The following ANKRD44 variants were observed in gnomAD, a reference collection of about 807,000 sequenced individuals.
The protein encoded by ANKRD44 is ankyrin repeat domain 44.
A neutral mutation model predicts 116.0 loss-of-function variants in ANKRD44; 35 were observed. The observed-to-expected ratio is 0.30, with a 90% CI of 0.23 to 0.40. The LOEUF is 0.40. ANKRD44 is among the 10% of genes least tolerant of loss of function. The probability of loss-of-function intolerance (pLI) is 1.00; values close to 1 mark genes in which losing one functional copy is unlikely to be tolerated. For synonymous variants in ANKRD44, 435 were observed against 461.8 expected (o/e 0.94, Z 0.74); for missense variants, 1,014 against 1,242.6 (o/e 0.82, Z 2.77).
At chr2:197,274,031 A>T (rs2105794513) in intron 1 of ANKRD44, among the ~76,000 whole-genome samples, 1 of 119,594 alleles carries the variant, frequency 8.4e-6, no homozygotes, top group South Asian at 2.9e-4. Flanking sequence ...ATATATATGA[A>T]TCAGACAGGC....
intron 15 of ANKRD44, 65 bp from the exon 16 acceptor site, chr2:197,078,879 T>A: frequency 6.6e-7 from 1 of 1,511,660 alleles, no homozygotes; most frequent in South Asian, 1.2e-5. Context: ...ATAATTTATG[T>A]AAATCCTCCT....
chr2:197,047,651 C>T (rs538381205), intron 16 of ANKRD44, among the ~76,000 whole-genome samples: 1 of 152,130 alleles, frequency 6.6e-6, no homozygotes, highest in South Asian at 2.1e-4. Flanking sequence ...GTGGCTCACG[C>T]CTGTAATCCC....
chr2:197,005,655 G>C (rs1211080880), intron 21 of ANKRD44, 39 bp downstream of exon 21: 1 of 1,596,170 alleles, frequency 6.3e-7, no homozygotes, highest in Non-Finnish European at 8.6e-7. Context: ...TCCTGGGGTA[G>C]GAAGTCTAGT....
Position 197,013,822 on chromosome 2 carries a change from G to A in ANKRD44, c.1723-110C>T, listed in dbSNP as rs144014397. ...GGCCATGGATAGAGACCACTCCCAAGAGCACGTCAGAAAAACACTTGGAAT... is the reference window on the plus strand; with the variant it reads ...GGCCATGGATAGAGACCACTCCCAAAAGCACGTCAGAAAAACACTTGGAAT... On this transcript the variant is annotated intron_variant, in intron 17 of 27. Transcript: ENST00000282272. The A allele has an allele frequency of 3.4e-4, 351 of 1,030,262 alleles. 1 individual carries two copies. In the African/African-American group the frequency reaches 4.5e-3, roughly 13 times the overall value. 63.8% of individuals were successfully genotyped at this position (1,030,262 alleles called of 1,614,324 possible).
intron 1 of ANKRD44, among the ~76,000 whole-genome samples, chr2:197,282,775 A>G (rs777351044): frequency 6.6e-6 from 1 of 152,190 alleles, no homozygotes; most frequent in South Asian, 2.1e-4. Context: ...CCTGGCCAAC[A>G]TGGCGAAACC....
chr2:197,010,463 G>T (rs73049616), intron 18 of ANKRD44, among the ~76,000 whole-genome samples: 1 of 152,130 alleles, frequency 6.6e-6, no homozygotes, highest in Non-Finnish European at 1.5e-5. Flanking sequence ...GGCAGGAAAT[G>T]CGGCCCCCAT....
At chr2:197,236,298 G>A (rs532527243) in intron 1 of ANKRD44, among the ~76,000 whole-genome samples, 3 of 152,236 alleles carry the variant, frequency 2.0e-5, no homozygotes, top group South Asian at 4.1e-4. Context: ...CTAGTTAGAA[G>A]ATAGGTAAAG....
intron 2 of ANKRD44, among the ~76,000 whole-genome samples, chr2:197,154,237 T>C (rs13027514): frequency 6.9e-6 from 1 of 144,514 alleles, no homozygotes; most frequent in Non-Finnish European, 1.5e-5. Context: ...TGGAGTGCAG[T>C]GGCGCGATCT....
intron 16 of ANKRD44, among the ~76,000 whole-genome samples, chr2:197,048,635 T>C (rs10931769): frequency 2.6e-5 from 4 of 152,256 alleles, no homozygotes; most frequent in African/African-American, 9.6e-5. Flanking sequence ...TTGTGAATAG[T>C]GCCGCAATAA....
At chr2:197,254,489 C>T (rs998143812) in intron 1 of ANKRD44, among the ~76,000 whole-genome samples, 1 of 152,100 alleles carries the variant, frequency 6.6e-6, no homozygotes, top group African/African-American at 2.4e-5. Context: ...AGCGGAGGAG[C>T]ATCTCTTAAA....
intron 3 of ANKRD44, among the ~76,000 whole-genome samples, chr2:197,138,893 G>C (rs530202605): frequency 3.3e-5 from 5 of 152,256 alleles, no homozygotes; most frequent in African/African-American, 1.2e-4. Flanking sequence ...AAAAATGAAT[G>C]CAAGTAGAAA....
At chr2:197,180,114 G>A (rs1196101069) in intron 2 of ANKRD44, among the ~76,000 whole-genome samples, 7 of 141,182 alleles carry the variant, frequency 5.0e-5, no homozygotes, top group African/African-American at 1.9e-4. Context: ...AACGTTTAAA[G>A]TGCAGGCCAC....
intron 1 of ANKRD44, among the ~76,000 whole-genome samples, chr2:197,215,571 G>A (rs2081425038): frequency 6.6e-6 from 1 of 152,104 alleles, no homozygotes; most frequent in South Asian, 2.1e-4. Context: ...GACCTCAAAT[G>A]GCTTCAATTA....
intron 17 of ANKRD44, among the ~76,000 whole-genome samples, chr2:197,016,300 T>A (rs937985818): frequency 2.0e-5 from 3 of 152,250 alleles, no homozygotes; most frequent in African/African-American, 7.2e-5. Flanking sequence ...CGTAGCTTTA[T>A]CTTTTTCTTT....
chr2:197,101,296 C>T (rs547059752), intron 9 of ANKRD44, among the ~76,000 whole-genome samples: 15 of 152,040 alleles, frequency 9.9e-5, no homozygotes, highest in Middle Eastern at 6.8e-3. Flanking sequence ...TTGTGTTGGA[C>T]GCTCTACATT....
chr2:197,153,790 A>T (rs1442817212), intron 2 of ANKRD44, among the ~76,000 whole-genome samples: 1 of 152,158 alleles, frequency 6.6e-6, no homozygotes, highest in Admixed American at 6.5e-5. Context: ...CAGAAATGCA[A>T]ATGGTTCTGA....
intron 16 of ANKRD44, among the ~76,000 whole-genome samples, chr2:197,068,362 A>T (rs1410755432): frequency 2.4e-5 from 3 of 127,486 alleles, no homozygotes; most frequent in Middle Eastern, 7.5e-3. Flanking sequence ...AGAGTATAAT[A>T]AAAAAAATAA....
At chr2:196,967,537 T>C (rs1238449642) in intron 21 of ANKRD44, 2 of 415,060 alleles carry the variant, frequency 4.8e-6, no homozygotes, top group African/African-American at 4.1e-5. Context: ...AGTGCAATTA[T>C]GTTAATTTTC....
At chr2:197,284,284 G>A (rs144303849) in intron 1 of ANKRD44, among the ~76,000 whole-genome samples, 12 of 152,194 alleles carry the variant, frequency 7.9e-5, no homozygotes, top group African/African-American at 2.9e-4. Context: ...ATTTCTCTGG[G>A]TATTCGCTGC....
Sources: allele counts gnomAD v4.1 joint callset (sites outside exome capture counted in the v4.1 genomes callset), GRCh38; gene constraint gnomAD v4.1.1; transcripts MANE v1.5; gene names NCBI Gene and HGNC (gene_info 2026-07-23, HGNC 2026-07-21).